TXNL1: variants seen among roughly 807,000 people sequenced by gnomAD.
TXNL1 encodes the protein thioredoxin like 1, also known as thioredoxin-like protein 1.
Under a neutral mutation model 35.5 loss-of-function variants are expected in TXNL1, and 14 were observed. That is an observed-to-expected ratio of 0.39 (90% CI 0.26 to 0.62). TXNL1 has a LOEUF of 0.62. Among genes scored for constraint, TXNL1 ranks in the 20% least tolerant of loss-of-function variants. The probability of loss-of-function intolerance (pLI) is 0.47; values close to 1 mark genes in which losing one functional copy is unlikely to be tolerated. For missense variants in TXNL1, 263 were observed against 349.7 expected (o/e 0.75, Z 1.98); for synonymous variants, 110 against 115.5 (o/e 0.95, Z 0.31).
At chr18:56,633,496 G>A (rs898095844) in intron 1 of TXNL1, among the ~76,000 whole-genome samples, 13 of 149,538 alleles carry the variant, frequency 8.7e-5, no homozygotes, top group African/African-American at 3.0e-4. Flanking sequence ...GTGCGTGCCT[G>A]TAGTTCCGAT....
chr18:56,622,640 C>G (rs1245659238), intron 3 of TXNL1, among the ~76,000 whole-genome samples: 1 of 152,046 alleles, frequency 6.6e-6, no homozygotes, highest in Non-Finnish European at 1.5e-5. Flanking sequence ...TCATTTTTTC[C>G]TATTTCCTAT....
chr18:56,618,850 A>G (rs530888134), intron 3 of TXNL1, among the ~76,000 whole-genome samples: 10 of 152,160 alleles, frequency 6.6e-5, no homozygotes, highest in Admixed American at 1.3e-4. Context: ...TGTCTCATAA[A>G]TATTTCACAC....
chr18:56,626,365 C>A lies in TXNL1; in HGVS notation c.191G>T (p.Cys64Phe). 6.2e-7 allele frequency: 1 copy of A among 1,610,096 alleles called. No individual in the cohort carries two copies. The highest frequency in any genetic ancestry group is 8.5e-7 in the Non-Finnish European group (1 of 1,178,852). Residue 64 changes from cysteine (C) to phenylalanine (F), a missense_variant, in exon 2 of 8, where the codon TGT becomes TTT. By Grantham distance (205) the Cys-to-Phe change is radical (BLOSUM62 -2). Coordinates refer to ENST00000217515, the MANE Select transcript of TXNL1 (RefSeq NM_004786.3). ...AAAAAGATTCCTTTCCCTTACCTGA[C>A]ACTGATGTACATCGACTTCCAAGAA... ...AVFLEVDVHQ[C>F]QGTAATNNIS...
intron 1 of TXNL1, among the ~76,000 whole-genome samples, chr18:56,638,072 C>T (rs1486520852): frequency 2.0e-5 from 3 of 152,146 alleles, no homozygotes; most frequent in African/African-American, 7.2e-5. Flanking sequence ...ACCCCCAAAA[C>T]CAGTTTGTCA....
intron 1 of TXNL1, among the ~76,000 whole-genome samples, chr18:56,634,748 A>C (rs1394180073): frequency 1.3e-5 from 2 of 152,226 alleles, no homozygotes; most frequent in East Asian, 1.9e-4. Flanking sequence ...ATGACATTGA[A>C]TCTTGCAATG....
intron 1 of TXNL1, among the ~76,000 whole-genome samples, chr18:56,627,277 G>A (rs528167216): frequency 3.4e-4 from 51 of 152,114 alleles, no homozygotes; most frequent in African/African-American, 1.1e-3. Context: ...ATAAATGGAG[G>A]AATTTACTCT....
intron 7 of TXNL1, chr18:56,608,326 C>T (rs981509781): frequency 2.0e-5 from 3 of 152,112 alleles, no homozygotes; most frequent in African/African-American, 7.2e-5. Flanking sequence ...CAATGAAATA[C>T]TAGCTTACTT....
chr18:56,608,308 T>C (rs1370914432), intron 7 of TXNL1: 3 of 152,176 alleles, frequency 2.0e-5, no homozygotes, highest in Non-Finnish European at 4.4e-5. Context: ...CTTTGTACAA[T>C]ATAAAAACAA....
chr18:56,623,588 C>A (rs2024227085), intron 3 of TXNL1, among the ~76,000 whole-genome samples: 1 of 151,944 alleles, frequency 6.6e-6, no homozygotes, highest in Non-Finnish European at 1.5e-5. Flanking sequence ...AATCTAATAC[C>A]ATGAAGTGCT....
chr18:56,602,965 C>A lies in TXNL1; in HGVS notation c.*62G>T. 6.5e-7 allele frequency: 1 copy of A among 1,540,824 alleles called. No homozygotes were observed. Among genetic ancestry groups the A allele is most frequent in the Non-Finnish European group, 9.0e-7 (1 of 1,114,154 alleles). On this transcript the variant is annotated 3_prime_UTR_variant, in exon 8 of 8. Transcript: ENST00000217515. The stretch of plus-strand genomic sequence containing the variant: ...AACATTGACAGTCTCTGGCGAGAAT[C>A]AAGCAATTATCCAGGAGCTGTAGAT...
chr18:56,614,758 A>G (rs1005784696), intron 5 of TXNL1, among the ~76,000 whole-genome samples, 162 bp from the exon 6 acceptor site: 1 of 152,226 alleles, frequency 6.6e-6, no homozygotes, highest in Non-Finnish European at 1.5e-5. Flanking sequence ...GTATTCAGGT[A>G]GCCAATCCTT....
Position 56,602,353 on chromosome 18 carries a change from A to G in TXNL1, c.*674T>C, listed in dbSNP as rs1446681570. Reference sequence around the variant, plus strand: ...TTCACTATGCTGTATTTTTTCCCCAACTGTCTGATTTCCACATTCTTCTAT... The same window carrying G: ...TTCACTATGCTGTATTTTTTCCCCAGCTGTCTGATTTCCACATTCTTCTAT... On this transcript the variant is annotated 3_prime_UTR_variant, in exon 8 of 8. Transcript: ENST00000217515. 3 of 145,556 alleles carry G rather than the reference A, an allele frequency of 2.1e-5. No individual in the cohort carries two copies. The highest frequency in any genetic ancestry group is 1.4e-4 in the Admixed American group (2 of 13,856). 9.0% of individuals were successfully genotyped at this position (145,556 alleles called of 1,614,324 possible).
chr18:56,606,911 G>A (rs1192924362), intron 7 of TXNL1, among the ~76,000 whole-genome samples: 1 of 152,198 alleles, frequency 6.6e-6, no homozygotes, highest in Non-Finnish European at 1.5e-5. Flanking sequence ...GCATGGGAGA[G>A]ACCATATCCA....
At chr18:56,636,520 T>G (rs2024457550) in intron 1 of TXNL1, among the ~76,000 whole-genome samples, 1 of 152,200 alleles carries the variant, frequency 6.6e-6, no homozygotes, top group Non-Finnish European at 1.5e-5. Context: ...AATATGCTTT[T>G]GAACTTACTC....
intron 1 of TXNL1, among the ~76,000 whole-genome samples, chr18:56,636,035 G>C (rs890571292): frequency 1.3e-5 from 2 of 151,962 alleles, no homozygotes; most frequent in Non-Finnish European, 2.9e-5. Context: ...ATCCACATTT[G>C]GTTCAATCCA....
chr18:56,599,208 C>A lies in TXNL1; in HGVS notation c.*3819G>T, dbSNP rs1406148101. The A allele has an allele frequency of 6.6e-6, 1 of 150,864 alleles. No homozygotes were observed. The highest frequency in any genetic ancestry group is 1.5e-5 in the Non-Finnish European group (1 of 67,882). 9.3% of individuals were successfully genotyped at this position (150,864 alleles called of 1,614,324 possible). The stretch of plus-strand genomic sequence containing the variant: ...CCAACTAATAATTTTACATGGACCA[C>A]AAAGTTTAAAAGCGATCTTATTAGC... On this transcript the variant is annotated 3_prime_UTR_variant, in exon 8 of 8. Transcript: ENST00000217515.
Position 56,626,400 on chromosome 18 carries a change from T to C in TXNL1, c.156A>G (p.Pro52=). The change falls in exon 2 of 8, where the codon CCA becomes CCG. Residue 52 remains proline, a synonymous_variant. Coordinates refer to ENST00000217515, the MANE Select transcript of TXNL1 (RefSeq NM_004786.3). ...PAFSSMSNKY[P]QAVFLEVDVH... is the part of the protein sequence containing the mutation. ...CATCGACTTCCAAGAAAACAGCCTG[T>C]GGATATTTATTACTCATAGAACTGA... 2 of 1,613,960 alleles carry C rather than the reference T, an allele frequency of 1.2e-6. No homozygotes were observed. The highest frequency in any genetic ancestry group is 2.2e-5 in the South Asian group (2 of 91,042).
chr18:56,611,841 G>T lies in TXNL1; in HGVS notation c.736-744C>A, dbSNP rs1251899710. ...CCTGAGTAGCCCACCAGCACACCCG[G>T]CTAATTTTTTTTTTTTTTTTTTTAA... is the stretch of plus-strand genomic sequence containing the variant. On this transcript the variant is annotated intron_variant, in intron 6 of 7. Coordinates refer to ENST00000217515, the MANE Select transcript of TXNL1 (RefSeq NM_004786.3). 6.8e-5 allele frequency among the ~76,000 whole-genome samples: 7 copies of T among 102,254 alleles called. 1 individual carries two copies. The South Asian group carries it at 2.6e-3, about 38-fold the overall frequency. The allele number at this position is 102,254 out of a possible 152,430, so 67.1% of individuals were successfully genotyped here.
intron 6 of TXNL1, among the ~76,000 whole-genome samples, chr18:56,612,730 T>G (rs2024017427): frequency 6.6e-6 from 1 of 152,200 alleles, no homozygotes; most frequent in Admixed American, 6.5e-5. Flanking sequence ...TGCCACTCAT[T>G]CGTCAGTTTT....
Sources: gnomAD v4.1 joint callset for allele counts (sites outside exome capture counted in the v4.1 genomes callset) on GRCh38, gnomAD v4.1.1 for gene constraint, MANE v1.5 for transcripts, NCBI Gene and HGNC (gene_info 2026-07-23, HGNC 2026-07-21) for gene names.